Variants in HOPX observed in about 807,000 individuals in gnomAD.
The protein encoded by HOPX is HOP homeobox.
HOPX carries 5 observed loss-of-function variants against 11.8 expected under a neutral mutation model. That is an observed-to-expected ratio of 0.43 (90% CI 0.22 to 0.89). HOPX has a LOEUF of 0.89. Among genes scored for constraint, HOPX ranks in the 40% least tolerant of loss-of-function variants. HOPX has a pLI of 0.28. For missense variants in HOPX, 119 were observed against 120.0 expected, an observed-to-expected ratio of 0.99 and a Z score of 0.04; for synonymous variants, 49 against 49.7, an observed-to-expected ratio of 0.99 and a Z score of 0.06.
intron 3 of HOPX, chr4:56,649,104 C>T (rs1560358382): frequency 8.3e-6 from 2 of 239,990 alleles, no homozygotes; most frequent in East Asian, 1.6e-4. Flanking sequence ...AAATGGGTTT[C>T]CCACTCATCT....
At chr4:56,658,848 A>G (rs1297000694) in intron 1 of HOPX, among the ~76,000 whole-genome samples, 2 of 152,190 alleles carry the variant, frequency 1.3e-5, no homozygotes, top group Admixed American at 1.3e-4. Flanking sequence ...TCCTGTGGTT[A>G]TATTTTTCCT....
intron 1 of HOPX, chr4:56,665,445 T>C (rs1295583865): frequency 6.6e-6 from 1 of 152,196 alleles, no homozygotes; most frequent in Non-Finnish European, 1.5e-5. Context: ...TGACATGACT[T>C]GATTTAGGAC....
intron 2 of HOPX, among the ~76,000 whole-genome samples, chr4:56,656,713 C>T (rs1305572501): frequency 6.6e-6 from 1 of 152,226 alleles, no homozygotes; most frequent in Non-Finnish European, 1.5e-5. Flanking sequence ...GGGATTGAGA[C>T]ACGGGAGAAA....
intron 3 of HOPX, chr4:56,649,903 G>A (rs1716995642): frequency 6.6e-6 from 1 of 152,432 alleles, no homozygotes; most frequent in Admixed American, 6.5e-5. Context: ...AGAGAGACTA[G>A]TGAGGAAACA....
intron 3 of HOPX, among the ~76,000 whole-genome samples, chr4:56,651,406 C>CT (rs1717158584): frequency 6.9e-6 from 1 of 144,442 alleles, no homozygotes; most frequent in Admixed American, 6.7e-5. Flanking sequence ...ACCTTGCTTG[C>CT]TTTTTTCCCT....
At chr4:56,681,388 G>C (rs1719317821), upstream of HOPX, 1 of 985,278 alleles carries the variant, frequency 1.0e-6, no homozygotes, top group African/African-American at 1.7e-5. Context: ...GCACACACTC[G>C]AGCAAGGACC....
intron 2 of HOPX, chr4:56,656,264 G>A (rs1560364988): frequency 7.7e-6 from 9 of 1,164,966 alleles, no homozygotes; most frequent in Non-Finnish European, 9.5e-6. Flanking sequence ...CGCCTCCCGC[G>A]CCCCCCGGGA....
intron 3 of HOPX, among the ~76,000 whole-genome samples, chr4:56,651,873 A>AGT (rs796685500): frequency 0.1 from 13,587 of 136,196 alleles, 587 homozygotes; most frequent in Non-Finnish European, 0.13. Flanking sequence ...AGAGAGAGAG[A>AGT]GTGTGTGTGT....
intron 3 of HOPX, chr4:56,649,218 A>G (rs1474705536): frequency 6.4e-6 from 1 of 156,208 alleles, no homozygotes; most frequent in Non-Finnish European, 1.4e-5. Context: ...CCCTTCTAGA[A>G]TGTAAGATCC....
rs544872966 is a variant in HOPX, at chr4:56,672,422, C to T, written c.-84+8833G>A. 2.8e-3 allele frequency among the ~76,000 whole-genome samples: 428 copies of T among 151,556 alleles called. 5 individuals carry two copies. Among genetic ancestry groups the T allele is most frequent in the African/African-American group, 9.8e-3 (404 of 41,122 alleles). ...GGCATGGTGGCACACGCCTGTAATC[C>T]CAGCTGCTCTGGATGCTGAGGGACA... On this transcript the variant is annotated intron_variant, in intron 1 of 3. Coordinates refer to ENST00000420433, the MANE Select transcript of HOPX (RefSeq NM_032495.6).
chr4:56,656,002 G>C lies in HOPX; in HGVS notation c.53C>G (p.Thr18Ser). 1.3e-6 allele frequency: 2 copies of C among 1,597,572 alleles called. No individual in the cohort carries two copies. The highest frequency in any genetic ancestry group is 1.7e-6 in the Non-Finnish European group (2 of 1,172,758). Reference sequence around the variant, plus strand: ...GCCGCTCGCGGTCTCCGCCGACATGGTCCCTGCGCGCTGCGGGGCAGGGAG... The same window carrying C: ...GCCGCTCGCGGTCTCCGCCGACATGCTCCCTGCGCGCTGCGGGGCAGGGAG... The part of the protein sequence containing the change: ...YRRRLEERAG[T>S]MSAETASGPT... The change falls in exon 3 of 4, where the codon ACC becomes AGC. Residue 18 changes from threonine to serine, a missense_variant. Coordinates refer to ENST00000420433, the MANE Select transcript of HOPX (RefSeq NM_032495.6).
At chr4:56,667,153 T>G (rs142151481) in intron 1 of HOPX, among the ~76,000 whole-genome samples, 2 of 152,330 alleles carry the variant, frequency 1.3e-5, no homozygotes, top group East Asian at 1.9e-4. Flanking sequence ...TCAGTGAATA[T>G]CTATTAAATG....
intron 3 of HOPX, among the ~76,000 whole-genome samples, chr4:56,653,709 G>A (rs1717421895): frequency 6.6e-6 from 1 of 152,186 alleles, no homozygotes; most frequent in African/African-American, 2.4e-5. Context: ...CAGGGGCCCT[G>A]CTAAGAGGCT....
intron 3 of HOPX, among the ~76,000 whole-genome samples, chr4:56,654,361 C>T (rs1031006438): frequency 1.3e-5 from 2 of 152,154 alleles, no homozygotes; most frequent in African/African-American, 2.4e-5. Flanking sequence ...AATCAGAGGC[C>T]GAGAAGGGGT....
intron 1 of HOPX, among the ~76,000 whole-genome samples, chr4:56,658,945 G>A (rs1717943419): frequency 6.6e-6 from 1 of 152,192 alleles, no homozygotes; most frequent in Non-Finnish European, 1.5e-5. Context: ...TCCAATGCTT[G>A]GGGTAGACAG....
At chr4:56,659,747 A>G (rs1717997415) in intron 1 of HOPX, among the ~76,000 whole-genome samples, 2 of 152,182 alleles carry the variant, frequency 1.3e-5, no homozygotes, top group Non-Finnish European at 2.9e-5. Context: ...TCTTAAAAAG[A>G]TTTGCAATTT....
intron 1 of HOPX, chr4:56,679,502 G>T (rs1719208923): frequency 6.9e-6 from 1 of 145,460 alleles, no homozygotes; most frequent in African/African-American, 2.6e-5. Context: ...TCTTAAGACA[G>T]AATCTTGCTC....
intron 1 of HOPX, among the ~76,000 whole-genome samples, chr4:56,674,916 TAAA>T (rs33940899): frequency 2.0e-4 from 24 of 121,718 alleles, no homozygotes; most frequent in Non-Finnish European, 1.5e-4. Flanking sequence ...TCTGGCTAAC[TAAA>T]AAAAAAAAAA....
chr4:56,663,232 G>A (rs1718250994), intron 1 of HOPX: 1 of 152,120 alleles, frequency 6.6e-6, no homozygotes, highest in Non-Finnish European at 1.5e-5. Context: ...AAGCAAGCAT[G>A]CTGTTCTCCT....
Sources: gnomAD v4.1 joint callset for allele counts (sites outside exome capture counted in the v4.1 genomes callset) on GRCh38, gnomAD v4.1.1 for gene constraint, MANE v1.5 for transcripts, NCBI Gene and HGNC (gene_info 2026-07-23, HGNC 2026-07-21) for gene names.